The following SPMAP2L variants were observed in gnomAD, a reference collection of about 807,000 sequenced individuals.
The protein encoded by SPMAP2L is sperm microtubule associated protein 2-like.
At chr4:56,545,758 T>TA in the SPMAP2L span, among the ~76,000 whole-genome samples, 2 of 150,648 alleles carry the variant, frequency 1.3e-5, no homozygotes, top group Non-Finnish European at 2.9e-5. Context: ...CCCTTAATAG[T>TA]AAACACTTCC....
chr4:56,596,738 G>T, the SPMAP2L span: 1 of 1,207,722 alleles, frequency 8.3e-7, no homozygotes, highest in East Asian at 3.0e-5. Flanking sequence ...AAGAGAATCT[G>T]GGAAGAGTGG....
At chr4:56,547,758 A>G in the SPMAP2L span, among the ~76,000 whole-genome samples, 1 of 152,208 alleles carries the variant, frequency 6.6e-6, no homozygotes, top group Admixed American at 6.5e-5. Flanking sequence ...ATGGGATTAA[A>G]AACTCCCAAG....
At chr4:56,569,348 TG>T in the SPMAP2L span, among the ~76,000 whole-genome samples, 2 of 152,352 alleles carry the variant, frequency 1.3e-5, no homozygotes, top group Non-Finnish European at 2.9e-5. Flanking sequence ...TGTCCTCCTA[TG>T]TGTGAAGTAG....
the SPMAP2L span, among the ~76,000 whole-genome samples, chr4:56,607,790 C>T: frequency 1.3e-5 from 2 of 151,918 alleles, no homozygotes; most frequent in African/African-American, 4.8e-5. Context: ...GAGTCCAAGA[C>T]CAGCCTGGGC....
At chr4:56,594,800 G>A in the SPMAP2L span, 1 of 1,534,670 alleles carries the variant, frequency 6.5e-7, no homozygotes, top group Non-Finnish European at 9.0e-7. Context: ...TGACGTGTGT[G>A]ACCTCATCCA....
chr4:56,568,233 G>A, the SPMAP2L span, among the ~76,000 whole-genome samples: 1 of 152,024 alleles, frequency 6.6e-6, no homozygotes, highest in Non-Finnish European at 1.5e-5. Context: ...CTGTTTTAAT[G>A]TTCTTGCCTA....
the SPMAP2L span, among the ~76,000 whole-genome samples, chr4:56,597,947 C>A: frequency 6.6e-6 from 1 of 152,262 alleles, no homozygotes; most frequent in South Asian, 2.1e-4. Flanking sequence ...ACTGCAGCCT[C>A]AACCTTCTGG....
chr4:56,593,309 T>A, the SPMAP2L span: 3 of 1,175,458 alleles, frequency 2.6e-6, no homozygotes, highest in South Asian at 2.4e-5. Flanking sequence ...AGGAGGAAAT[T>A]TTTTGTTGAC....
At chr4:56,601,410 GGA>G in the SPMAP2L span, among the ~76,000 whole-genome samples, 1 of 152,104 alleles carries the variant, frequency 6.6e-6, no homozygotes, top group Admixed American at 6.6e-5. Context: ...CTTGAGGCTA[GGA>G]GTTGGAGACC....
the SPMAP2L span, among the ~76,000 whole-genome samples, chr4:56,624,185 G>C: frequency 6.6e-6 from 1 of 152,324 alleles, no homozygotes; most frequent in East Asian, 1.9e-4. Context: ...TTTTGCTCCT[G>C]CCTTAGAGAT....
At chr4:56,609,816 G>A in the SPMAP2L span, among the ~76,000 whole-genome samples, 197 of 152,290 alleles carry the variant, frequency 1.3e-3, 2 homozygotes, top group African/African-American at 3.7e-3. Flanking sequence ...GCCATCAATT[G>A]ACATTGAATC....
the SPMAP2L span, among the ~76,000 whole-genome samples, chr4:56,611,452 A>C: frequency 3.3e-5 from 5 of 152,302 alleles, no homozygotes; most frequent in Admixed American, 2.0e-4. Context: ...GGTGAGGGAT[A>C]AAAGACTACA....
the SPMAP2L span, among the ~76,000 whole-genome samples, chr4:56,611,294 A>C: frequency 1.3e-5 from 2 of 152,240 alleles, no homozygotes; most frequent in African/African-American, 2.4e-5. Flanking sequence ...ATTTGCAGCA[A>C]CCTGAATGAG....
the SPMAP2L span, among the ~76,000 whole-genome samples, chr4:56,538,117 T>A: frequency 2.0e-5 from 3 of 152,190 alleles, no homozygotes; most frequent in Non-Finnish European, 4.4e-5. Flanking sequence ...GTCTTTCCCT[T>A]ATAGTCCTTC....
chr4:56,575,236 G>C, the SPMAP2L span, among the ~76,000 whole-genome samples: 1 of 143,446 alleles, frequency 7.0e-6, no homozygotes, highest in Non-Finnish European at 1.5e-5. Flanking sequence ...GCGACAGAGC[G>C]AGACTCCATC....
chr4:56,534,136 A>G, the SPMAP2L span, among the ~76,000 whole-genome samples: 192 of 152,270 alleles, frequency 1.3e-3, no homozygotes, highest in Non-Finnish European at 2.1e-3. Flanking sequence ...CCTGCAAGTC[A>G]TCATATCCAT....
the SPMAP2L span, among the ~76,000 whole-genome samples, chr4:56,562,795 TACTA>T: frequency 1.3e-5 from 2 of 151,232 alleles, no homozygotes; most frequent in African/African-American, 2.4e-5. Context: ...TCTTTTTTTT[TACTA>T]TGTGTGTATT....
the SPMAP2L span, among the ~76,000 whole-genome samples, chr4:56,615,640 G>A: frequency 6.6e-6 from 1 of 152,134 alleles, no homozygotes; most frequent in East Asian, 1.9e-4. Flanking sequence ...CCCAGCTACT[G>A]GAGAGGCTGA....
chr4:56,554,489 C>A, the SPMAP2L span, among the ~76,000 whole-genome samples: 1 of 152,084 alleles, frequency 6.6e-6, no homozygotes, highest in Non-Finnish European at 1.5e-5. Flanking sequence ...TTGTTCAGTT[C>A]TTCTGCCCAC....
Sources: gnomAD v4.1 joint callset for allele counts (sites outside exome capture counted in the v4.1 genomes callset) on GRCh38, gnomAD v4.1.1 for gene constraint, MANE v1.5 for transcripts, NCBI Gene and HGNC (gene_info 2026-07-23, HGNC 2026-07-21) for gene names.